The following SPAG6 variants were observed in gnomAD, a reference collection of about 807,000 sequenced individuals.
SPAG6 encodes sperm-associated antigen 6.
In SPAG6, 49 loss-of-function variants were observed where a neutral mutation model predicts 58.5. That is an observed-to-expected ratio of 0.84 (90% CI 0.67 to 1.06). SPAG6 has a LOEUF of 1.06. Among genes scored for constraint, SPAG6 ranks in the 50% least tolerant of loss-of-function variants. The pLI is 0.00. For missense variants in SPAG6, 560 were observed against 611.3 expected (o/e 0.92, Z 0.89); for synonymous variants, 233 against 225.6 (o/e 1.03, Z -0.29).
chr10:22,412,947 T>C (rs1466939192), intron 10 of SPAG6: 1 of 152,162 alleles, frequency 6.6e-6, no homozygotes, highest in Non-Finnish European at 1.5e-5. Flanking sequence ...AAAATCTTTT[T>C]TGAAGAAAAC....
intron 9 of SPAG6, among the ~76,000 whole-genome samples, chr10:22,404,051 G>C (rs1220653779): frequency 8.0e-4 from 108 of 135,090 alleles, no homozygotes; most frequent in African/African-American, 3.0e-3. Flanking sequence ...TGTCAGATGA[G>C]TAGGTTGCGA....
chr10:22,354,455 G>A (rs184586219), intron 2 of SPAG6, among the ~76,000 whole-genome samples: 70 of 152,270 alleles, frequency 4.6e-4, no homozygotes, highest in African/African-American at 1.5e-3. Flanking sequence ...ATATCCATGC[G>A]TCAGTGACTG....
chr10:22,358,303 T>A (rs1214034227), intron 2 of SPAG6, among the ~76,000 whole-genome samples: 2 of 152,148 alleles, frequency 1.3e-5, no homozygotes, highest in African/African-American at 2.4e-5. Flanking sequence ...GGTATCTCAT[T>A]GTGGTTTTGA....
At chr10:22,412,573 C>A in intron 10 of SPAG6, 1 of 949,584 alleles carries the variant, frequency 1.1e-6, no homozygotes, top group Non-Finnish European at 1.6e-6. Context: ...AGTGATATAT[C>A]ATAACATGTA....
At chr10:22,384,555 G>A (rs1443945022) in intron 4 of SPAG6, among the ~76,000 whole-genome samples, 7 of 152,142 alleles carry the variant, frequency 4.6e-5, no homozygotes. Flanking sequence ...GAAGCTAGGA[G>A]AACAATACTT....
At chr10:22,414,597 T>C (rs1444456879) in intron 10 of SPAG6, among the ~76,000 whole-genome samples, 1 of 152,194 alleles carries the variant, frequency 6.6e-6, no homozygotes, top group Non-Finnish European at 1.5e-5. Flanking sequence ...TACATGTGGC[T>C]ACTGAGGACT....
intron 10 of SPAG6, among the ~76,000 whole-genome samples, chr10:22,413,715 C>G (rs1376891528): frequency 7.6e-6 from 1 of 131,646 alleles, no homozygotes; most frequent in Non-Finnish European, 1.5e-5. Flanking sequence ...ATATTTCACC[C>G]ACACAGGGCA....
intron 9 of SPAG6, among the ~76,000 whole-genome samples, chr10:22,402,090 T>C (rs183029722): frequency 3.9e-4 from 60 of 152,304 alleles, no homozygotes; most frequent in African/African-American, 1.3e-3. Context: ...TAAACCTTAG[T>C]TTGGTTACCC....
intron 2 of SPAG6, among the ~76,000 whole-genome samples, chr10:22,352,641 C>T (rs553023386): frequency 9.2e-5 from 14 of 152,342 alleles, no homozygotes; most frequent in Admixed American, 2.6e-4. Context: ...CCTCAGCCTT[C>T]CTAGTAGCTG....
intron 4 of SPAG6, among the ~76,000 whole-genome samples, chr10:22,374,603 A>G (rs1022259016): frequency 1.7e-5 from 2 of 114,510 alleles, no homozygotes; most frequent in African/African-American, 8.5e-5. Context: ...CCCTGTATGT[A>G]AAAAAAAAAA....
intron 3 of SPAG6, among the ~76,000 whole-genome samples, chr10:22,367,126 A>G (rs1044490487): frequency 6.6e-6 from 1 of 152,008 alleles, no homozygotes; most frequent in African/African-American, 2.4e-5. Context: ...AGTTATAGGC[A>G]CTGGAATTAA....
chr10:22,346,071 G>A, intron 2 of SPAG6: 2 of 1,522,190 alleles, frequency 1.3e-6, no homozygotes, highest in Non-Finnish European at 8.8e-7. Flanking sequence ...GAAAGTCGAG[G>A]CCCTAGGAAT....
At chr10:22,380,417 C>A (rs7083939) in intron 4 of SPAG6, among the ~76,000 whole-genome samples, 7,827 of 152,184 alleles carry the variant, frequency 0.051, 682 homozygotes, top group African/African-American at 0.18. Flanking sequence ...GGTCCTCCCA[C>A]CTCAGCCTCC....
At chr10:22,361,509 A>C (rs1448322555) in intron 2 of SPAG6, 1 of 152,270 alleles carries the variant, frequency 6.6e-6, no homozygotes, top group Non-Finnish European at 1.5e-5. Context: ...CAGCTTGGCC[A>C]ACATGGGGAA....
At chr10:22,365,323 G>A (rs1837166648) in intron 3 of SPAG6, among the ~76,000 whole-genome samples, 1 of 152,170 alleles carries the variant, frequency 6.6e-6, no homozygotes, top group African/African-American at 2.4e-5. Flanking sequence ...AGGGAAGTAT[G>A]TAGACCCTAG....
intron 6 of SPAG6, 64 bp from the exon 7 acceptor site, chr10:22,389,096 A>G: frequency 1.4e-6 from 2 of 1,437,478 alleles, no homozygotes; most frequent in East Asian, 4.6e-5. Flanking sequence ...GTGTGGCAAT[A>G]TTAAACTGTA....
intron 4 of SPAG6, among the ~76,000 whole-genome samples, chr10:22,369,915 A>G (rs1208334490): frequency 1.3e-5 from 2 of 152,240 alleles, no homozygotes; most frequent in Admixed American, 1.3e-4. Context: ...GCCTGCTTTG[A>G]GAATTCATCC....
At chr10:22,377,303 A>G (rs1436283150) in intron 4 of SPAG6, among the ~76,000 whole-genome samples, 3 of 152,184 alleles carry the variant, frequency 2.0e-5, no homozygotes, top group African/African-American at 7.2e-5. Context: ...TGACAACTGG[A>G]CAGCAACTTT....
At chr10:22,346,275 T>C (rs1836524402) in intron 2 of SPAG6, among the ~76,000 whole-genome samples, 1 of 152,112 alleles carries the variant, frequency 6.6e-6, no homozygotes, top group Admixed American at 6.6e-5. Context: ...TTCCAAGAAA[T>C]TCCAAGTAGG....
Sources: allele counts gnomAD v4.1 joint callset (sites outside exome capture counted in the v4.1 genomes callset), GRCh38; gene constraint gnomAD v4.1.1; transcripts MANE v1.5; gene names NCBI Gene and HGNC (gene_info 2026-07-23, HGNC 2026-07-21).